Variants in DHX9 observed in about 807,000 individuals in gnomAD.
The protein encoded by DHX9 is ATP-dependent RNA helicase A.
DHX9 carries 27 observed loss-of-function variants against 148.7 expected under a neutral mutation model. The ratio of observed to expected loss-of-function variants is 0.18; its 90% CI spans 0.13 to 0.25. The LOEUF is 0.25. Among genes scored for constraint, DHX9 ranks in the 10% least tolerant of loss-of-function variants. DHX9 has a pLI of 1.00. For missense variants in DHX9, 796 were observed against 1,559.6 expected, an observed-to-expected ratio of 0.51 and a Z score of 8.25; for synonymous variants, 529 against 516.6, an observed-to-expected ratio of 1.02 and a Z score of -0.33.
chr1:182,874,941 G>T lies in DHX9; in HGVS notation c.1802G>T (p.Gly601Val), dbSNP rs1444187899. ...KKKKDKDDDG[G>V]EDDDANCNLI... is the part of the protein sequence containing the mutation. ...AAGAAGGATAAGGATGATGATGGTG[G>T]TGAGGATGATGATGTAAGTGAATTT... The change falls in exon 16 of 28, where the codon GGT (glycine) becomes GTT (valine). Residue 601 changes from glycine to valine, a missense_variant. Gly to Val is a moderately radical substitution (Grantham distance 109). Transcript: ENST00000367549. 2 of 1,612,488 alleles carry T rather than the reference G, an allele frequency of 1.2e-6. No individual in the cohort carries two copies. The highest frequency in any genetic ancestry group is 1.7e-6 in the Non-Finnish European group (2 of 1,178,664).
chr1:182,876,670 C>G, intron 18 of DHX9, 129 bp downstream of exon 18: 1 of 961,480 alleles, frequency 1.0e-6, no homozygotes, highest in Non-Finnish European at 1.6e-6. Flanking sequence ...GGAGTCTTCT[C>G]TTTCTGAGCT....
Position 182,880,554 on chromosome 1 carries a change from A to G in DHX9, c.2570A>G (p.Lys857Arg). The change falls in exon 22 of 28, where the codon AAA becomes AGA. Residue 857 changes from lysine to arginine, a missense_variant. Physicochemically the swap from Lys to Arg is conservative, Grantham distance 26. Coordinates refer to ENST00000367549, the MANE Select transcript of DHX9 (RefSeq NM_001357.5). ...ACTCCTTTGGGACGAATCCTGGCTA[A>G]ACTCCCCATTGAGCCTCGTTTTGGC... ...ELTPLGRILA[K>R]LPIEPRFGKM... The G allele has an allele frequency of 3.7e-6, 6 of 1,614,014 alleles. No individual in the cohort carries two copies. Among genetic ancestry groups the G allele is most frequent in the Non-Finnish European group, 5.1e-6 (6 of 1,179,920 alleles).
intron 7 of DHX9, 26 bp downstream of exon 7, chr1:182,856,604 TC>T: frequency 6.2e-7 from 1 of 1,607,516 alleles, no homozygotes; most frequent in Non-Finnish European, 8.5e-7. Context: ...TCCCCAATAT[TC>T]CAAGTCTCTG....
At chr1:182,874,754 G>GTT in intron 15 of DHX9, 100 bp from the exon 16 acceptor site, 1 of 873,736 alleles carries the variant, frequency 1.1e-6, no homozygotes, top group Non-Finnish European at 1.9e-6. Context: ...AGACTAGAGG[G>GTT]GTATTAAAGT....
intron 26 of DHX9, 37 bp from the exon 27 acceptor site, chr1:182,884,576 C>T (rs1270220272): frequency 3.2e-6 from 5 of 1,572,012 alleles, no homozygotes; most frequent in Middle Eastern, 1.8e-4. Flanking sequence ...TCTACATATA[C>T]TCCCTCTCTT....
intron 3 of DHX9, among the ~76,000 whole-genome samples, chr1:182,848,980 A>G (rs1668080659): frequency 1.3e-5 from 2 of 152,102 alleles, no homozygotes; most frequent in African/African-American, 2.4e-5. Flanking sequence ...TGAGAAACCC[A>G]CCTCATGATC....
At chr1:182,871,043 C>T (rs796221237) in intron 14 of DHX9, among the ~76,000 whole-genome samples, 42 of 152,098 alleles carry the variant, frequency 2.8e-4, no homozygotes, top group African/African-American at 1.0e-3. Flanking sequence ...AATGCACTAA[C>T]CTTGAAATAA....
chr1:182,853,951 G>A (rs1323327863), intron 5 of DHX9, 79 bp from the exon 6 acceptor site: 7 of 1,315,726 alleles, frequency 5.3e-6, no homozygotes, highest in Non-Finnish European at 7.5e-6. Flanking sequence ...ATAGTACAAA[G>A]ACAGTATTAA....
chr1:182,872,317 TTG>T lies in DHX9; in HGVS notation c.1558-16_1558-15del, dbSNP rs781184088. 16 of 1,590,570 alleles carry T rather than the reference TTG, an allele frequency of 1.0e-5. No individual in the cohort carries two copies. Among genetic ancestry groups the T allele is most frequent in the Admixed American group, 7.2e-5 (4 of 55,508 alleles). ...TAAACTTAATGTAATTTCAAAAATT[TTG>T]TGTTTGTTTTTTAATAGACTGACTT... is the stretch of plus-strand genomic sequence containing the variant. On this transcript the variant is annotated intron_variant, in intron 14 of 27. Transcript: ENST00000367549.
chr1:182,866,669 A>G, intron 13 of DHX9, 84 bp downstream of exon 13: 2 of 1,438,840 alleles, frequency 1.4e-6, no homozygotes, highest in South Asian at 2.7e-5. Context: ...ATGACTGGAA[A>G]GAAATAATGA....
At chr1:182,877,518 G>C (rs1365011747) in intron 19 of DHX9, 1 of 153,718 alleles carries the variant, frequency 6.5e-6, no homozygotes, top group Non-Finnish European at 1.4e-5. Context: ...ATGATGAATA[G>C]CATTCTGTGC....
At chr1:182,870,155 C>T (rs1285722781) in intron 14 of DHX9, among the ~76,000 whole-genome samples, 2 of 152,028 alleles carry the variant, frequency 1.3e-5, no homozygotes, top group African/African-American at 2.4e-5. Context: ...CAAGATCTCT[C>T]CAAGAAAAAT....
chr1:182,839,405 A>AGGCCAGAGTCAC lies in DHX9; in HGVS notation c.-73_-62dup, dbSNP rs1667869302. The AGGCCAGAGTCAC allele has an allele frequency of 6.6e-6, 1 of 152,348 alleles. No homozygotes were observed. The highest frequency in any genetic ancestry group is 1.5e-5 in the Non-Finnish European group (1 of 68,088). The allele number at this position is 152,348 out of a possible 1,614,324, so 9.4% of individuals were successfully genotyped here. On this transcript the variant is annotated 5_prime_UTR_variant, in exon 1 of 28. Coordinates refer to ENST00000367549, the MANE Select transcript of DHX9 (RefSeq NM_001357.5). ...TGCGTTTCTCTGTTGTCTCGGTAGA[A>AGGCCAGAGTCAC]GGCCAGAGTCACACACGGTCCTAAG...
intron 16 of DHX9, among the ~76,000 whole-genome samples, chr1:182,875,343 A>C (rs1648711968): frequency 6.6e-6 from 1 of 152,222 alleles, no homozygotes; most frequent in Non-Finnish European, 1.5e-5. Flanking sequence ...CTGAGTCAGA[A>C]TCTACAGTTT....
At chr1:182,872,979 G>C (rs1447970259) in intron 15 of DHX9, among the ~76,000 whole-genome samples, 1 of 152,130 alleles carries the variant, frequency 6.6e-6, no homozygotes, top group African/African-American at 2.4e-5. Context: ...TCTAAGACAA[G>C]GTCTCACTCT....
intron 1 of DHX9, among the ~76,000 whole-genome samples, chr1:182,841,318 G>A (rs1393679558): frequency 6.6e-6 from 1 of 151,996 alleles, no homozygotes; most frequent in Non-Finnish European, 1.5e-5. Flanking sequence ...AAAGACTAAA[G>A]TTTAAATATA....
intron 19 of DHX9, chr1:182,877,153 G>T: frequency 2.5e-6 from 1 of 402,674 alleles, no homozygotes; most frequent in African/African-American, 2.1e-5. Context: ...ATTGCTCTTG[G>T]CTGCTGGTGT....
chr1:182,884,123 A>C (rs533086521), intron 26 of DHX9, among the ~76,000 whole-genome samples: 1 of 152,190 alleles, frequency 6.6e-6, no homozygotes, highest in African/African-American at 2.4e-5. Flanking sequence ...AATCCAAAAA[A>C]ATTAGCCCCG....
At chr1:182,863,780 T>C (rs1160973661) in intron 12 of DHX9, among the ~76,000 whole-genome samples, 1 of 145,958 alleles carries the variant, frequency 6.9e-6, no homozygotes. Flanking sequence ...AGCTAAGAAT[T>C]AAGAATTAGA....
Sources: gnomAD v4.1 joint callset for allele counts (sites outside exome capture counted in the v4.1 genomes callset) on GRCh38, gnomAD v4.1.1 for gene constraint, MANE v1.5 for transcripts, NCBI Gene and HGNC (gene_info 2026-07-23, HGNC 2026-07-21) for gene names.